The following ATM variants were observed in gnomAD, a reference collection of about 807,000 sequenced individuals.
The protein encoded by ATM is serine-protein kinase ATM.
Under a neutral mutation model 387.0 loss-of-function variants are expected in ATM, and 308 were observed. The observed-to-expected ratio is 0.80, with a 90% confidence interval of 0.73 to 0.87. The LOEUF (loss-of-function observed/expected upper bound fraction) is 0.87. Among genes scored for constraint, ATM ranks in the 40% least tolerant of loss-of-function variants. ATM has a pLI of 0.00. For synonymous variants in ATM, 1,156 were observed against 1,187.3 expected, an observed-to-expected ratio of 0.97 and a Z score of 0.54; for missense variants, 3,312 against 3,560.9, an observed-to-expected ratio of 0.93 and a Z score of 1.78.
rs730881342 is a variant in ATM, at chr11:108,251,956, T to A, written c.1727T>A (p.Ile576Lys). Residue 576 changes from isoleucine to lysine, a missense_variant, in exon 11 of 63, where the codon ATA becomes AAA. By Grantham distance (102) the Ile-to-Lys change is moderately radical. Around this residue, in one of 4 missense-constraint regions of ATM, gnomAD observed 1,791 missense variants for 1,804.5 expected, o/e 0.99. Transcript: ENST00000675843. ...AGAAGCTTTTCTTTAAAGGAATCAATAATGAAATGGCTCTTATTCTATCAG... is the reference window on the plus strand; with the variant it reads ...AGAAGCTTTTCTTTAAAGGAATCAAAAATGAAATGGCTCTTATTCTATCAG... ...VNRSFSLKESIMKWLLFYQLE... is the reference protein window; with the variant it reads ...VNRSFSLKESKMKWLLFYQLE... 6.2e-7 allele frequency: 1 copy of A among 1,613,886 alleles called. No homozygotes were observed. Among genetic ancestry groups the A allele is most frequent in the South Asian group, 1.1e-5 (1 of 91,086 alleles).
chr11:108,338,335 G>A (rs768584205), intron 56 of ATM, among the ~76,000 whole-genome samples: 19 of 152,160 alleles, frequency 1.2e-4, no homozygotes, highest in Non-Finnish European at 1.6e-4. Flanking sequence ...CTGGGTGACA[G>A]ACCGAGACTT....
At position 108,327,171 on chromosome 11, in the gene ATM, T is replaced by C. The variant is rs973301602; in HGVS notation, c.6976-474T>C. 2.0e-5 allele frequency among the ~76,000 whole-genome samples: 3 copies of C among 152,178 alleles called. No individual in the cohort carries two copies. The East Asian group carries it at 5.8e-4, about 29-fold the overall frequency. On this transcript the variant is annotated intron_variant, in intron 47 of 62. Transcript: ENST00000675843. ...GTTGGGCACTCATTGTATAGCATCT[T>C]CTGTTATTAGAGAAATCATTATACC... is the stretch of plus-strand genomic sequence containing the variant.
chr11:108,236,958 C>T (rs998885116), intron 5 of ATM, among the ~76,000 whole-genome samples: 5 of 151,896 alleles, frequency 3.3e-5, no homozygotes, highest in African/African-American at 9.7e-5. Flanking sequence ...AATACACGAA[C>T]TCTAAAAGTT....
At position 108,311,951 on chromosome 11, in the gene ATM, G is replaced by C. The variant is rs2084198391; in HGVS notation, c.5919-460G>C. Among the ~76,000 whole-genome samples, 3 of 152,054 alleles carry C rather than the reference G, an allele frequency of 2.0e-5. No homozygotes were observed. In the South Asian group the frequency reaches 6.2e-4, roughly 32 times the overall value. ...TCAAACTTTCTAGTTTTATAGTCTTGGTTTAAGTGGATCCTACTGATCTAC... is the reference window on the plus strand; with the variant it reads ...TCAAACTTTCTAGTTTTATAGTCTTCGTTTAAGTGGATCCTACTGATCTAC... On this transcript the variant is annotated intron_variant, in intron 39 of 62. Coordinates refer to ENST00000675843, the MANE Select transcript of ATM (RefSeq NM_000051.4).
At chr11:108,260,116 C>T (rs1439622324) in intron 16 of ATM, among the ~76,000 whole-genome samples, 1 of 150,832 alleles carries the variant, frequency 6.6e-6, no homozygotes, top group East Asian at 2.0e-4. Context: ...CTCACTGCAG[C>T]CCCCACCTCC....
intron 25 of ATM, 99 bp downstream of exon 25, chr11:108,282,978 A>G: frequency 1.3e-6 from 1 of 758,500 alleles, no homozygotes; most frequent in East Asian, 2.7e-5. Flanking sequence ...CCATACCCAT[A>G]CACATGTGTG....
At chr11:108,266,549 T>C (rs544610192) in intron 16 of ATM, among the ~76,000 whole-genome samples, 94 of 150,566 alleles carry the variant, frequency 6.2e-4, no homozygotes, top group Non-Finnish European at 1.2e-3. Context: ...GACGAGTTAG[T>C]GGGTGCAGCA....
At chr11:108,290,050 G>C (rs112022688) in intron 29 of ATM, 24 of 392,606 alleles carry the variant, frequency 6.1e-5, no homozygotes, top group African/African-American at 4.6e-4. Context: ...GTAGAGGTGG[G>C]GTTTCACCAT....
intron 24 of ATM, among the ~76,000 whole-genome samples, chr11:108,282,213 CG>C (rs2082270576): frequency 6.6e-6 from 1 of 151,690 alleles, no homozygotes; most frequent in Non-Finnish European, 1.5e-5. Flanking sequence ...CTGCAAGCTC[CG>C]CCTCCTGGGT....
At chr11:108,291,272 TG>T (rs2082781755) in intron 29 of ATM, among the ~76,000 whole-genome samples, 1 of 152,096 alleles carries the variant, frequency 6.6e-6, no homozygotes, top group Non-Finnish European at 1.5e-5. Context: ...AAACAAGAAT[TG>T]GGGTTGTTCA....
In ATM at chr11:108,295,118, G is replaced by T. The variant is rs908018125; in HGVS notation, c.4909+59G>T. ...CTGTTTCTTTTTGAAAGAATATTTTGCAAAGTCTTGCTCTTGGTTTCATTG... is the reference window on the plus strand; with the variant it reads ...CTGTTTCTTTTTGAAAGAATATTTTTCAAAGTCTTGCTCTTGGTTTCATTG... On this transcript the variant is annotated intron_variant, in intron 32 of 62. Transcript: ENST00000675843. 8.1e-6 allele frequency: 13 copies of T among 1,599,524 alleles called. No homozygotes were observed. The East Asian group carries it at 2.5e-4, about 30-fold the overall frequency.
chr11:108,358,021 A>G (rs1490175576), intron 61 of ATM, among the ~76,000 whole-genome samples: 1 of 144,806 alleles, frequency 6.9e-6, no homozygotes, highest in Non-Finnish European at 1.5e-5. Context: ...CATTCAAACC[A>G]AAGGCAAATA....
In ATM at chr11:108,242,618, C is replaced by G. The variant is rs543119827; in HGVS notation, c.497-1335C>G. On this transcript the variant is annotated intron_variant, in intron 5 of 62. Coordinates refer to ENST00000675843, the MANE Select transcript of ATM (RefSeq NM_000051.4). ...CTTACACCTGTCATCTCAGCACTTT[C>G]GGAGGCTGAGGCAGGTGGATCATCT... Among the ~76,000 whole-genome samples, 4 of 152,088 alleles carry G rather than the reference C, an allele frequency of 2.6e-5. No homozygotes were observed. In the East Asian group the frequency reaches 7.8e-4, roughly 30 times the overall value.
chr11:108,338,523 C>G (rs1395864403), intron 56 of ATM, among the ~76,000 whole-genome samples: 1 of 152,112 alleles, frequency 6.6e-6, no homozygotes, highest in African/African-American at 2.4e-5. Flanking sequence ...GGCATGATGG[C>G]ATGCACCTAT....
chr11:108,282,038 T>A (rs900085052), intron 24 of ATM, among the ~76,000 whole-genome samples: 104 of 152,232 alleles, frequency 6.8e-4, no homozygotes, highest in Non-Finnish European at 1.8e-4. Flanking sequence ...TGATCATGGC[T>A]CACTGCAGTC....
chr11:108,297,511 C>T (rs1439569985), intron 33 of ATM, 129 bp downstream of exon 33: 2 of 817,180 alleles, frequency 2.4e-6, no homozygotes, highest in African/African-American at 3.4e-5. Flanking sequence ...ACATGCTATA[C>T]AGGTTTGTAG....
At position 108,335,967 on chromosome 11, in the gene ATM, T is replaced by A. The variant is rs747153940; in HGVS notation, c.8268+6T>A. ...TAACTATCTGTACTTATAAGGTAAC[T>A]ATTTGTACTTCTGTTAGTTCACCAA... is the stretch of plus-strand genomic sequence containing the variant. On this transcript the variant is annotated splice_donor_region_variant and intron_variant, in intron 56 of 62. Coordinates refer to ENST00000675843, the MANE Select transcript of ATM (RefSeq NM_000051.4). 2.2e-5 allele frequency: 35 copies of A among 1,592,506 alleles called. No individual in the cohort carries two copies. The highest frequency in any genetic ancestry group is 2.6e-5 in the Non-Finnish European group (30 of 1,160,742).
chr11:108,250,313 C>G (rs1023621658), intron 9 of ATM, among the ~76,000 whole-genome samples: 1 of 151,912 alleles, frequency 6.6e-6, no homozygotes, highest in African/African-American at 2.4e-5. Context: ...CCACCATGCC[C>G]GGCTAATTTT....
intron 30 of ATM, 136 bp downstream of exon 30, chr11:108,292,929 A>T: frequency 1.8e-6 from 2 of 1,097,018 alleles, no homozygotes. Flanking sequence ...TTGGAAAAAT[A>T]TTCTTAATGA....
Sources: gnomAD v4.1 joint callset for allele counts (sites outside exome capture counted in the v4.1 genomes callset) on GRCh38, gnomAD v4.1.1 for gene constraint, gnomAD v4.1.1 regional missense constraint, MANE v1.5 for transcripts, NCBI Gene and HGNC (gene_info 2026-07-23, HGNC 2026-07-21) for gene names.